Variants in ROBO2 observed in about 807,000 individuals in gnomAD.
ROBO2 encodes the protein roundabout homolog 2.
In ROBO2, 53 loss-of-function variants were observed where a neutral mutation model predicts 160.8. The observed-to-expected ratio is 0.33, with a 90% CI of 0.26 to 0.41. ROBO2 has a LOEUF of 0.41. Ranked by LOEUF, ROBO2 falls within the 10% of genes least tolerant of loss-of-function variation. The probability of loss-of-function intolerance (pLI) is 1.00; values close to 1 mark genes in which losing one functional copy is unlikely to be tolerated. For synonymous variants in ROBO2, 664 were observed against 611.7 expected (o/e 1.09, Z -1.26); for missense variants, 1,577 against 1,722.4 (o/e 0.92, Z 1.49).
rs781279383 is a variant in ROBO2 at position 76,006,878 on chromosome 3, A to G, written c.109+69276A>G. On this transcript the variant is annotated intron_variant, in intron 2 of 26. Coordinates refer to the ROBO2 transcript ENST00000487694. Reference sequence around the variant, plus strand: ...TATTTTAATGGAAAATAAAAATCACATACCGGTCAAGTAAGTTATAGTGGT... The same window carrying G: ...TATTTTAATGGAAAATAAAAATCACGTACCGGTCAAGTAAGTTATAGTGGT... Among the ~76,000 whole-genome samples, 97 of 152,116 alleles carry G rather than the reference A, an allele frequency of 6.4e-4. 2 individuals carry two copies. The highest frequency in any genetic ancestry group is 1.9e-4 in the Non-Finnish European group (13 of 67,954).
intron 2 of ROBO2, among the ~76,000 whole-genome samples, chr3:77,164,916 G>A (rs367628868): frequency 0.031 from 1,688 of 54,042 alleles, 116 homozygotes; most frequent in Middle Eastern, 0.12. Flanking sequence ...CCGGCCAGCC[G>A]CCCCGTCCGG....
chr3:77,316,280 G>A (rs2063978558), intron 2 of ROBO2, among the ~76,000 whole-genome samples: 1 of 152,152 alleles, frequency 6.6e-6, no homozygotes, highest in Admixed American at 6.6e-5. Flanking sequence ...TAAAAGAGGT[G>A]ACGACGATGA....
chr3:76,815,125 A>T (rs1186101348), intron 2 of ROBO2, among the ~76,000 whole-genome samples: 1 of 152,198 alleles, frequency 6.6e-6, no homozygotes, highest in Non-Finnish European at 1.5e-5. Flanking sequence ...CTACCGATCT[A>T]TTGCCTGAAA....
chr3:76,506,270 A>G (rs1426996224), intron 2 of ROBO2, among the ~76,000 whole-genome samples: 1 of 152,190 alleles, frequency 6.6e-6, no homozygotes, highest in African/African-American at 2.4e-5. Flanking sequence ...GGGAAGTCCA[A>G]GATCGAGTTG....
intron 2 of ROBO2, among the ~76,000 whole-genome samples, chr3:77,255,904 G>C (rs2058379047): frequency 6.6e-6 from 1 of 152,202 alleles, no homozygotes; most frequent in South Asian, 2.1e-4. Flanking sequence ...ACATTTAGTT[G>C]CATTCATAAA....
chr3:76,785,101 CA>C, intron 2 of ROBO2, among the ~76,000 whole-genome samples: 1 of 151,236 alleles, frequency 6.6e-6, no homozygotes, highest in East Asian at 2.0e-4. Context: ...GTCATTCCCA[CA>C]TATCTTTTTT....
chr3:76,642,429 T>A (rs533092680), intron 2 of ROBO2, among the ~76,000 whole-genome samples: 1 of 135,742 alleles, frequency 7.4e-6, no homozygotes, highest in South Asian at 2.6e-4. Context: ...CTCAATTCAC[T>A]GCAAATTCTG....
At chr3:77,533,875 C>T (rs1404862487) in intron 6 of ROBO2, among the ~76,000 whole-genome samples, 1 of 149,104 alleles carries the variant, frequency 6.7e-6, no homozygotes, top group Admixed American at 6.6e-5. Flanking sequence ...ATGCTGCCAA[C>T]TACAGTAGGC....
In ROBO2 at chr3:76,088,666, C is replaced by G. The variant is rs1019379967; in HGVS notation, c.109+151064C>G. 3.3e-5 allele frequency among the ~76,000 whole-genome samples: 5 copies of G among 151,864 alleles called. No homozygotes were observed. In the East Asian group the frequency reaches 9.6e-4, roughly 29 times the overall value. ...AGAGAAATTAAAAATATATTTTGAA[C>G]TGAATTTAAAAGAAAATACAGTTTA... On this transcript the variant is annotated intron_variant, in intron 2 of 26. Transcript: ENST00000487694.
intron 2 of ROBO2, among the ~76,000 whole-genome samples, chr3:76,159,006 G>T (rs937141944): frequency 6.6e-6 from 1 of 152,158 alleles, no homozygotes; most frequent in African/African-American, 2.4e-5. Context: ...AGTGCAGAAT[G>T]CTTATGGGTA....
At chr3:76,728,260 T>G (rs564332595) in intron 2 of ROBO2, among the ~76,000 whole-genome samples, 1 of 152,318 alleles carries the variant, frequency 6.6e-6, no homozygotes, top group South Asian at 2.1e-4. Flanking sequence ...ACTAGTGTAA[T>G]TATTGGGTTG....
At chr3:77,346,731 G>T (rs949958982) in intron 2 of ROBO2, among the ~76,000 whole-genome samples, 6 of 152,004 alleles carry the variant, frequency 3.9e-5, no homozygotes, top group African/African-American at 1.4e-4. Flanking sequence ...TGTGGGCTGG[G>T]GTTAGTTCTC....
chr3:76,704,425 A>G (rs1215161443), intron 2 of ROBO2, among the ~76,000 whole-genome samples: 2 of 152,098 alleles, frequency 1.3e-5, no homozygotes, highest in Non-Finnish European at 2.9e-5. Context: ...CATGTGGGTT[A>G]TCGCTGGAGG....
At chr3:76,520,982 G>A (rs1402621486) in intron 2 of ROBO2, among the ~76,000 whole-genome samples, 2 of 150,256 alleles carry the variant, frequency 1.3e-5, no homozygotes, top group Admixed American at 6.6e-5. Flanking sequence ...TTTCTTAAAG[G>A]TGCCTCTCAT....
chr3:77,409,303 C>A (rs911200512), intron 2 of ROBO2, among the ~76,000 whole-genome samples: 4 of 151,752 alleles, frequency 2.6e-5, no homozygotes, highest in African/African-American at 9.7e-5. Flanking sequence ...GATTTCATAA[C>A]CTCCAAATGT....
intron 2 of ROBO2, among the ~76,000 whole-genome samples, chr3:76,873,401 A>T (rs2072333423): frequency 6.6e-6 from 1 of 152,222 alleles, no homozygotes. Flanking sequence ...CTATCAGCAA[A>T]CAAAACTTTT....
At chr3:76,520,032 G>A (rs189096450) in intron 2 of ROBO2, among the ~76,000 whole-genome samples, 17 of 152,236 alleles carry the variant, frequency 1.1e-4, no homozygotes, top group Admixed American at 7.8e-4. Flanking sequence ...TAAATACCTC[G>A]TTAGTCCCTC....
rs149211871 is a variant in ROBO2 at position 77,126,405 on chromosome 3, A to G, written c.388+28065A>G. Among the ~76,000 whole-genome samples the G allele has an allele frequency of 1.2e-4, 18 of 152,316 alleles. No individual in the cohort carries two copies. The East Asian group carries it at 3.1e-3, about 26-fold the overall frequency. On this transcript the variant is annotated intron_variant, in intron 2 of 25. Coordinates refer to ENST00000461745, the Ensembl canonical transcript of ROBO2. Reference sequence around the variant, plus strand: ...TAAAATTCACAAATCAGATTTACAGATTCCAATTTGTGTAAGAGAAAAACA... The same window carrying G: ...TAAAATTCACAAATCAGATTTACAGGTTCCAATTTGTGTAAGAGAAAAACA...
intron 1 of ROBO2, among the ~76,000 whole-genome samples, chr3:77,096,740 G>T (rs931396814): frequency 2.0e-5 from 3 of 152,058 alleles, no homozygotes; most frequent in African/African-American, 7.2e-5. Context: ...GTGAGCCACC[G>T]TGCCCGGCCT....
Sources: allele counts gnomAD v4.1 joint callset (sites outside exome capture counted in the v4.1 genomes callset), GRCh38; gene constraint gnomAD v4.1.1; transcripts MANE v1.5; gene names NCBI Gene and HGNC (gene_info 2026-07-23, HGNC 2026-07-21).